The following PTTG1IP2 variants were observed in gnomAD, a reference collection of about 807,000 sequenced individuals.
PTTG1IP2 encodes the protein PTTG1IP family member 2.
intron 6 of PTTG1IP2, among the ~76,000 whole-genome samples, chr7:90,510,796 T>C (rs1798180652): frequency 6.6e-6 from 1 of 152,232 alleles, no homozygotes; most frequent in African/African-American, 2.4e-5. Context: ...GGAGGAGACT[T>C]TCCACTGTTC....
chr7:90,507,031 A>T (rs1798131818), intron 6 of PTTG1IP2, among the ~76,000 whole-genome samples: 1 of 152,208 alleles, frequency 6.6e-6, no homozygotes, highest in South Asian at 2.1e-4. Context: ...TATTGTTTGT[A>T]TAAACAATTT....
chr7:90,497,520 C>T (rs1471501509), intron 6 of PTTG1IP2, among the ~76,000 whole-genome samples: 7 of 144,622 alleles, frequency 4.8e-5, no homozygotes, highest in Non-Finnish European at 7.5e-5. Flanking sequence ...ACCGAGATCG[C>T]GCCACTGCAC....
At chr7:90,500,299 G>A (rs17869717) in intron 6 of PTTG1IP2, among the ~76,000 whole-genome samples, 12 of 152,128 alleles carry the variant, frequency 7.9e-5, no homozygotes, top group African/African-American at 2.9e-4. Context: ...TTAGAATAAG[G>A]CATTGAAACA....
chr7:90,510,450 G>A (rs553215973), intron 6 of PTTG1IP2, among the ~76,000 whole-genome samples: 1 of 152,318 alleles, frequency 6.6e-6, no homozygotes, highest in South Asian at 2.1e-4. Context: ...AAATAAGGGA[G>A]AATCATGTAC....
chr7:90,485,293 C>T lies in PTTG1IP2; in HGVS notation c.193-2034C>T, dbSNP rs17866075. Among the ~76,000 whole-genome samples the T allele has an allele frequency of 5.3e-3, 812 of 152,260 alleles. 8 individuals carry two copies. Among genetic ancestry groups the T allele is most frequent in the African/African-American group, 0.019 (776 of 41,560 alleles). ...ATCCCCATATTTTCCTAAAAATGCT[C>T]CTGGCAAAATAATGCAACTAAATCT... is the stretch of plus-strand genomic sequence containing the variant. On this transcript the variant is annotated intron_variant, in intron 2 of 6. Transcript: ENST00000509356.
At chr7:90,507,591 G>C (rs1798138284) in intron 6 of PTTG1IP2, among the ~76,000 whole-genome samples, 1 of 152,026 alleles carries the variant, frequency 6.6e-6, no homozygotes, top group African/African-American at 2.4e-5. Flanking sequence ...GGCAAGATAG[G>C]GCCATGAAGT....
At chr7:90,485,133 T>A (rs929922431) in intron 2 of PTTG1IP2, among the ~76,000 whole-genome samples, 7 of 152,104 alleles carry the variant, frequency 4.6e-5, no homozygotes, top group African/African-American at 1.7e-4. Context: ...AGGTCCTCAG[T>A]AGAAAAGGGT....
At chr7:90,472,783 G>A (rs1797706484) in intron 1 of PTTG1IP2, among the ~76,000 whole-genome samples, 1 of 152,150 alleles carries the variant, frequency 6.6e-6, no homozygotes, top group South Asian at 2.1e-4. Flanking sequence ...TACACAGAGT[G>A]ATTTCTATTT....
chr7:90,498,586 A>G (rs1423906346), intron 6 of PTTG1IP2, among the ~76,000 whole-genome samples: 1 of 152,246 alleles, frequency 6.6e-6, no homozygotes, highest in Non-Finnish European at 1.5e-5. Flanking sequence ...ACGTCATTAT[A>G]TAATGAAAAC....
At chr7:90,480,159 G>A (rs942323977) in intron 2 of PTTG1IP2, among the ~76,000 whole-genome samples, 2 of 152,054 alleles carry the variant, frequency 1.3e-5, no homozygotes, top group African/African-American at 2.4e-5. Flanking sequence ...CCTCAACCCT[G>A]TGTAGTAAGA....
chr7:90,478,109 A>G (rs1797772015), intron 1 of PTTG1IP2, among the ~76,000 whole-genome samples: 2 of 151,686 alleles, frequency 1.3e-5, no homozygotes, highest in Non-Finnish European at 2.9e-5. Context: ...AAAAAAAAAA[A>G]AAAAAAAGAA....
chr7:90,489,630 A>G (rs987759051), intron 4 of PTTG1IP2, among the ~76,000 whole-genome samples: 4 of 151,888 alleles, frequency 2.6e-5, no homozygotes, highest in African/African-American at 9.7e-5. Context: ...TTCTGTGGCC[A>G]TAATTATATC....
At chr7:90,482,678 G>T (rs1045376397) in intron 2 of PTTG1IP2, among the ~76,000 whole-genome samples, 2 of 152,026 alleles carry the variant, frequency 1.3e-5, no homozygotes, top group African/African-American at 4.8e-5. Flanking sequence ...TGAATCCTTG[G>T]AACGAAAGTT....
chr7:90,496,163 C>G (rs1797988194), intron 6 of PTTG1IP2, among the ~76,000 whole-genome samples: 2 of 152,126 alleles, frequency 1.3e-5, no homozygotes, highest in Non-Finnish European at 2.9e-5. Flanking sequence ...ATAGTACTGG[C>G]CTCATTAAAT....
At chr7:90,486,630 T>G (rs1386831041) in intron 2 of PTTG1IP2, among the ~76,000 whole-genome samples, 1 of 152,126 alleles carries the variant, frequency 6.6e-6, no homozygotes, top group Non-Finnish European at 1.5e-5. Context: ...GAGGTAAGGC[T>G]TGTTGACAGT....
intron 1 of PTTG1IP2, among the ~76,000 whole-genome samples, chr7:90,478,685 T>C (rs1232620151): frequency 6.6e-6 from 1 of 152,228 alleles, no homozygotes; most frequent in Non-Finnish European, 1.5e-5. Flanking sequence ...GGCATTGAAA[T>C]GCTTTTTTCC....
chr7:90,509,296 C>T (rs1037580797), intron 6 of PTTG1IP2, among the ~76,000 whole-genome samples: 4 of 151,700 alleles, frequency 2.6e-5, no homozygotes, highest in Admixed American at 2.6e-4. Flanking sequence ...AGATGAGAGC[C>T]CAAACAAGGG....
At chr7:90,475,899 C>G (rs1044028100) in intron 1 of PTTG1IP2, among the ~76,000 whole-genome samples, 2 of 151,048 alleles carry the variant, frequency 1.3e-5, no homozygotes. Flanking sequence ...TGAGATCGCG[C>G]CACTGCACTC....
intron 1 of PTTG1IP2, among the ~76,000 whole-genome samples, chr7:90,475,933 C>CT (rs1797743221): frequency 7.8e-6 from 1 of 128,096 alleles, no homozygotes. Context: ...GAATGAGACT[C>CT]TGTCTCAAAA....
Sources: gnomAD v4.1 joint callset for allele counts (sites outside exome capture counted in the v4.1 genomes callset) on GRCh38, gnomAD v4.1.1 for gene constraint, MANE v1.5 for transcripts, NCBI Gene and HGNC (gene_info 2026-07-23, HGNC 2026-07-21) for gene names.